The following SDC1 variants were observed in gnomAD, a reference collection of about 807,000 sequenced individuals.
SDC1 encodes the protein syndecan-1.
SDC1 carries 14 observed loss-of-function variants against 29.7 expected under a neutral mutation model. The observed-to-expected ratio is 0.47, with a 90% CI of 0.31 to 0.74. SDC1 has a LOEUF of 0.74. SDC1 is among the 30% of genes least tolerant of loss of function. SDC1 has a pLI of 0.05. For missense variants in SDC1, 406 were observed against 400.3 expected, an observed-to-expected ratio of 1.01 and a Z score of -0.12; for synonymous variants, 204 against 175.5, an observed-to-expected ratio of 1.16 and a Z score of -1.29.
intron 1 of SDC1, among the ~76,000 whole-genome samples, chr2:20,217,762 TCAACATGCCCGCCTTCCCCACTGCCC>T: frequency 6.6e-6 from 1 of 152,238 alleles, no homozygotes; most frequent in Non-Finnish European, 1.5e-5. Flanking sequence ...AGTGGACTGA[TCAACATGCCCGCCTTCCCCACTGCCC>T]CAACCTGCCC....
chr2:20,215,222 C>T (rs765681564), intron 1 of SDC1, among the ~76,000 whole-genome samples: 2 of 152,256 alleles, frequency 1.3e-5, no homozygotes, highest in South Asian at 2.1e-4. Flanking sequence ...GACAGGCCAC[C>T]GTGCCCCATT....
chr2:20,215,887 C>T (rs1344919901), intron 1 of SDC1, among the ~76,000 whole-genome samples: 3 of 136,062 alleles, frequency 2.2e-5, no homozygotes, highest in Non-Finnish European at 5.1e-5. Flanking sequence ...AGTTCTCGGT[C>T]CCACCTCAGC....
chr2:20,225,140 C>A (rs1677952089), upstream of SDC1: 2 of 263,876 alleles, frequency 7.6e-6, no homozygotes, highest in Admixed American at 5.5e-5. Flanking sequence ...TGGCCCCCCA[C>A]CCCCAGCTCC....
chr2:20,219,186 CA>C (rs1677732902), intron 1 of SDC1, among the ~76,000 whole-genome samples: 1 of 152,118 alleles, frequency 6.6e-6, no homozygotes, highest in Admixed American at 6.5e-5. Context: ...CCCACCCTTA[CA>C]GGCCCTGCCA....
chr2:20,204,101 G>T lies in SDC1; in HGVS notation c.339C>A (p.Gly113=), dbSNP rs754532117. Reference sequence around the variant, plus strand: ...TGGCCTCCTGCTCCCGGGCGGTGAGGCCAGGCTCCACTTCTGGCAGGACTA... The same window carrying T: ...TGGCCTCCTGCTCCCGGGCGGTGAGTCCAGGCTCCACTTCTGGCAGGACTA... ...EAVVLPEVEP[G]LTAREQEATP... Residue 113 remains glycine, a synonymous_variant, in exon 3 of 5, where the codon GGC becomes GGA. Transcript: ENST00000254351. 4 of 1,608,238 alleles carry T rather than the reference G, an allele frequency of 2.5e-6. No homozygotes were observed. The highest frequency in any genetic ancestry group is 2.5e-6 in the Non-Finnish European group (3 of 1,179,806).
Position 20,224,810 on chromosome 2 carries a change from C to T in SDC1, c.58G>A (p.Ala20Thr). The change falls in exon 1 of 5, where the codon GCC (alanine) becomes ACC (threonine). Residue 20 changes from alanine to threonine, a missense_variant. Transcript: ENST00000254351. This position sits in a 1 kb window ranked among gnomAD's most constrained non-coding sequence, Gnocchi z 4.9. ...CCGCCGGCCGCACTCACCGGCAGGG[C>T]CGGCTGCAGGCTCAGCGCCAGCGCG... ...LCALALSLQP[A>T]LPQIVATNLP... The T allele has an allele frequency of 7.7e-7, 1 of 1,302,386 alleles. No individual in the cohort carries two copies. The highest frequency in any genetic ancestry group is 3.6e-5 in the Admixed American group (1 of 27,404). 80.7% of individuals were successfully genotyped at this position (1,302,386 alleles called of 1,614,324 possible).
At chr2:20,203,695 G>T in intron 3 of SDC1, 118 bp downstream of exon 3, 1 of 795,078 alleles carries the variant, frequency 1.3e-6, no homozygotes. Context: ...GGGCCCCTGT[G>T]CCCTGTCTTC....
chr2:20,219,920 T>C (rs1677761543), intron 1 of SDC1, among the ~76,000 whole-genome samples: 1 of 152,186 alleles, frequency 6.6e-6, no homozygotes, highest in Non-Finnish European at 1.5e-5. Context: ...ACCCGCGCCA[T>C]GCTGCCCGCC....
intron 1 of SDC1, among the ~76,000 whole-genome samples, chr2:20,210,214 A>G (rs1281712121): frequency 6.6e-6 from 1 of 152,136 alleles, no homozygotes; most frequent in African/African-American, 2.4e-5. Flanking sequence ...GGCGGTGTGC[A>G]CCTGTACTCC....
At position 20,204,184 on chromosome 2, in the gene SDC1, T is replaced by C; in HGVS notation, c.256A>G (p.Thr86Ala). 6.3e-7 allele frequency: 1 copy of C among 1,599,948 alleles called. No homozygotes were observed. Among genetic ancestry groups the C allele is most frequent in the Non-Finnish European group, 8.5e-7 (1 of 1,179,742 alleles). Residue 86 changes from threonine (T) to alanine (A), a missense_variant, in exon 3 of 5, where the codon ACA (threonine) becomes GCA (alanine). Coordinates refer to ENST00000254351, the MANE Select transcript of SDC1 (RefSeq NM_002997.5). ...TSPEPTGLEA[T>A]AASTSTLPAG... ...GGCAGGGTGGAGGTGGAGGCAGCTG[T>C]AGCCTCCAGGCCGGTGGGTTCTGGA... is the stretch of plus-strand genomic sequence containing the variant.
Position 20,202,638 on chromosome 2 carries a change from G to T in SDC1, c.*128C>A. On this transcript the variant is annotated 3_prime_UTR_variant, in exon 5 of 5. Coordinates refer to ENST00000254351, the MANE Select transcript of SDC1 (RefSeq NM_002997.5). ...ACCCCACGACTCCGTGGGCAGGAGC[G>T]ACCAGAGGGGCTGGAATGCTGGGGA... is the stretch of plus-strand genomic sequence containing the variant. 1 of 914,104 alleles carries T rather than the reference G, an allele frequency of 1.1e-6. No homozygotes were observed. The highest frequency in any genetic ancestry group is 1.7e-6 in the Non-Finnish European group (1 of 593,494). The allele number at this position is 914,104 out of a possible 1,614,324, so 56.6% of individuals were successfully genotyped here.
intron 3 of SDC1, 143 bp downstream of exon 3, chr2:20,203,670 G>C (rs1318374308): frequency 2.9e-6 from 2 of 687,890 alleles, no homozygotes; most frequent in South Asian, 1.9e-5. Context: ...CGAGGCCCTG[G>C]GGGTAGGGGA....
Position 20,203,892 on chromosome 2 carries a change from C to T in SDC1, c.548G>A (p.Gly183Glu). Reference sequence around the variant, plus strand: ...AGCCCTCTCGGTGGCAGAAGGACCTCCATCCTCTGTGTGGGGAGTGTGAAG... The same window carrying T: ...AGCCCTCTCGGTGGCAGAAGGACCTTCATCCTCTGTGTGGGGAGTGTGAAG... ...ADLHTPHTEDGGPSATERAAE... is the reference protein window; with the variant it reads ...ADLHTPHTEDEGPSATERAAE... Residue 183 changes from glycine (G) to glutamate (E), a missense_variant, in exon 3 of 5, where the codon GGA becomes GAA. By Grantham distance (98) the Gly-to-Glu change is moderately conservative. Coordinates refer to ENST00000254351, the MANE Select transcript of SDC1 (RefSeq NM_002997.5). 1 of 1,612,188 alleles carries T rather than the reference C, an allele frequency of 6.2e-7. No homozygotes were observed. Among genetic ancestry groups the T allele is most frequent in the Non-Finnish European group, 8.5e-7 (1 of 1,179,248 alleles).
Position 20,213,067 on chromosome 2 carries a change from G to A in SDC1, c.67-7643C>T, listed in dbSNP as rs182782792. 3.3e-5 allele frequency among the ~76,000 whole-genome samples: 5 copies of A among 152,248 alleles called. No homozygotes were observed. In the East Asian group the frequency reaches 7.7e-4, roughly 24 times the overall value. On this transcript the variant is annotated intron_variant, in intron 1 of 4. Coordinates refer to ENST00000254351, the MANE Select transcript of SDC1 (RefSeq NM_002997.5). The stretch of plus-strand genomic sequence containing the variant: ...TGCCTGCTCACAGTACACCGGGGGC[G>A]TTTATTGAAGGAGGAGGGATCCTGG...
At chr2:20,210,232 T>C (rs1677421953) in intron 1 of SDC1, among the ~76,000 whole-genome samples, 1 of 152,070 alleles carries the variant, frequency 6.6e-6, no homozygotes, top group Non-Finnish European at 1.5e-5. Flanking sequence ...TCCCAGCTAC[T>C]TGGGAGGCTG....
In SDC1 at chr2:20,205,359, G is replaced by T; in HGVS notation, c.132C>A (p.Phe44Leu). The T allele has an allele frequency of 6.2e-7, 1 of 1,613,970 alleles. No individual in the cohort carries two copies. The highest frequency in any genetic ancestry group is 8.5e-7 in the Non-Finnish European group (1 of 1,179,936). The change falls in exon 2 of 5, where the codon TTC becomes TTA. Residue 44 changes from phenylalanine to leucine, a missense_variant. Coordinates refer to ENST00000254351, the MANE Select transcript of SDC1 (RefSeq NM_002997.5). ...QDGSGDDSDN[F>L]SGSGAGALQD... ...CAACCTCACCTGCACCTGAGCCGGA[G>T]AAGTTGTCAGAGTCATCCCCAGAGC...
intron 1 of SDC1, chr2:20,207,878 A>T: frequency 1.2e-5 from 11 of 913,048 alleles, no homozygotes; most frequent in Non-Finnish European, 1.4e-5. Context: ...TCATCAAAGA[A>T]TACTGCCCAC....
intron 2 of SDC1, 146 bp downstream of exon 2, chr2:20,205,197 T>C (rs112043174): frequency 8.5e-6 from 6 of 706,282 alleles, no homozygotes; most frequent in African/African-American, 6.9e-5. Context: ...CTCCTCAGCA[T>C]TGCCCTTTGG....
Position 20,224,802 on chromosome 2 carries a change from C to G in SDC1, c.66G>C (p.Pro22=), listed in dbSNP as rs1677938570. 7.7e-7 allele frequency: 1 copy of G among 1,302,844 alleles called. No homozygotes were observed. The highest frequency in any genetic ancestry group is 3.6e-5 in the Admixed American group (1 of 27,696). The allele number at this position is 1,302,844 out of a possible 1,614,324, so 80.7% of individuals were successfully genotyped here. ...CCGCCTGGCCGCCGGCCGCACTCAC[C>G]GGCAGGGCCGGCTGCAGGCTCAGCG... is the stretch of plus-strand genomic sequence containing the variant. ...ALALSLQPAL[P]QIVATNLPPE... is the part of the protein sequence containing the mutation. The change falls in exon 1 of 5, where the codon CCG becomes CCC. Residue 22 remains proline, a splice_region_variant and synonymous_variant. Transcript: ENST00000254351. This position sits in a 1 kb window ranked among gnomAD's most constrained non-coding sequence, Gnocchi z 4.9.
Sources: gnomAD v4.1 joint callset for allele counts (sites outside exome capture counted in the v4.1 genomes callset) on GRCh38, gnomAD v4.1.1 for gene constraint, Gnocchi (gnomAD v3.1) non-coding constraint, MANE v1.5 for transcripts, NCBI Gene and HGNC (gene_info 2026-07-23, HGNC 2026-07-21) for gene names.